Variants in ROBO1 observed in about 807,000 individuals in gnomAD.
ROBO1 encodes roundabout homolog 1.
A neutral mutation model predicts 195.9 loss-of-function variants in ROBO1; 149 were observed. The ratio of observed to expected loss-of-function variants is 0.76; its 90% confidence interval spans 0.67 to 0.87. The LOEUF is 0.87. Among genes scored for constraint, ROBO1 ranks in the 40% least tolerant of loss-of-function variants. The pLI is 0.00. For missense variants in ROBO1, 1,933 were observed against 2,068.3 expected (o/e 0.93, Z 1.27); for synonymous variants, 816 against 733.2 (o/e 1.11, Z -1.82).
At chr3:79,432,935 AT>A (rs563472699) in intron 2 of ROBO1, among the ~76,000 whole-genome samples, 46 of 152,178 alleles carry the variant, frequency 3.0e-4, no homozygotes, top group Non-Finnish European at 5.3e-4. Flanking sequence ...TTTCCTAAGG[AT>A]TAATATAGTT....
At chr3:79,496,608 C>T (rs546826244) in intron 2 of ROBO1, among the ~76,000 whole-genome samples, 20 of 149,484 alleles carry the variant, frequency 1.3e-4, no homozygotes, top group Non-Finnish European at 2.8e-4. Context: ...AGGATGGTCT[C>T]GATCTCCTGA....
At chr3:79,590,397 A>C (rs922957854) in intron 1 of ROBO1, among the ~76,000 whole-genome samples, 3 of 151,756 alleles carry the variant, frequency 2.0e-5, no homozygotes, top group Non-Finnish European at 4.4e-5. Context: ...AAAACAAAAA[A>C]CTTGCTCTTC....
intron 2 of ROBO1, among the ~76,000 whole-genome samples, chr3:79,480,916 T>G (rs184101232): frequency 2.6e-5 from 4 of 152,152 alleles, no homozygotes; most frequent in Non-Finnish European, 5.9e-5. Context: ...GGGTGAAGCA[T>G]AATATAGCAA....
intron 2 of ROBO1, among the ~76,000 whole-genome samples, chr3:79,318,028 G>C (rs1004679811): frequency 1.3e-5 from 2 of 152,300 alleles, no homozygotes; most frequent in East Asian, 3.9e-4. Flanking sequence ...CCAAAGGTCA[G>C]CAGGTTGCTG....
At chr3:79,052,008 A>G (rs2078708979) in intron 3 of ROBO1, among the ~76,000 whole-genome samples, 1 of 152,242 alleles carries the variant, frequency 6.6e-6, no homozygotes, top group African/African-American at 2.4e-5. Context: ...ACAATATGAA[A>G]TCTGGGCATC....
intron 2 of ROBO1, among the ~76,000 whole-genome samples, chr3:79,574,459 T>G (rs1943382782): frequency 6.6e-6 from 1 of 151,996 alleles, no homozygotes; most frequent in Non-Finnish European, 1.5e-5. Flanking sequence ...ATTTTTCTTT[T>G]TTTAGTAGTC....
Position 78,668,052 on chromosome 3 carries a change from A to C in ROBO1, c.1800-3T>G. On this transcript the variant is annotated splice_polypyrimidine_tract_variant and splice_region_variant and intron_variant, in intron 13 of 30. Coordinates refer to ENST00000464233, the MANE Select transcript of ROBO1 (RefSeq NM_002941.4). ...GCCAGCTGCTACCAGATGCATGGCT[A>C]AGGATAGACACACAGGTTAGAACAT... is the stretch of plus-strand genomic sequence containing the variant. The C allele has an allele frequency of 6.2e-7, 1 of 1,613,464 alleles. No individual in the cohort carries two copies. Among genetic ancestry groups the C allele is most frequent in the Non-Finnish European group, 8.5e-7 (1 of 1,179,588 alleles).
chr3:79,071,389 T>G (rs1461470702), intron 3 of ROBO1, among the ~76,000 whole-genome samples: 1 of 151,852 alleles, frequency 6.6e-6, no homozygotes, highest in Non-Finnish European at 1.5e-5. Context: ...TATGTATATT[T>G]TTGGTAATTT....
chr3:78,639,951 T>TAC, intron 21 of ROBO1, 53 bp from the exon 22 acceptor site: 1 of 1,364,510 alleles, frequency 7.3e-7, no homozygotes, highest in Non-Finnish European at 9.8e-7. Context: ...AGAGTAATAT[T>TAC]TTCTATTTAA....
At chr3:79,324,482 G>A (rs551454676) in intron 2 of ROBO1, among the ~76,000 whole-genome samples, 83 of 152,288 alleles carry the variant, frequency 5.5e-4, no homozygotes, top group Non-Finnish European at 1.0e-3. Flanking sequence ...AGGGGAGGAA[G>A]GGTGTAGTTA....
At chr3:79,222,951 A>G (rs1212037858) in intron 2 of ROBO1, among the ~76,000 whole-genome samples, 1 of 152,186 alleles carries the variant, frequency 6.6e-6, no homozygotes, top group Non-Finnish European at 1.5e-5. Flanking sequence ...TCAATATGTC[A>G]CAGCTATCTG....
chr3:79,063,820 A>G (rs1421994130), intron 3 of ROBO1, among the ~76,000 whole-genome samples: 3 of 151,924 alleles, frequency 2.0e-5, no homozygotes, highest in Non-Finnish European at 4.4e-5. Flanking sequence ...TGAAAAAAAA[A>G]TGAAAACTTT....
At chr3:79,450,685 A>T (rs2107193700) in intron 2 of ROBO1, among the ~76,000 whole-genome samples, 1 of 152,112 alleles carries the variant, frequency 6.6e-6, no homozygotes, top group African/African-American at 2.4e-5. Context: ...GTGGCATTTT[A>T]TAAGATTTAT....
intron 3 of ROBO1, among the ~76,000 whole-genome samples, chr3:79,013,781 C>T (rs2077849572): frequency 6.6e-6 from 1 of 152,096 alleles, no homozygotes; most frequent in South Asian, 2.1e-4. Flanking sequence ...TTTTTATGAG[C>T]ATTAAATAAG....
chr3:79,598,483 T>A (rs181417487), intron 1 of ROBO1, among the ~76,000 whole-genome samples: 16 of 152,170 alleles, frequency 1.1e-4, no homozygotes, highest in Admixed American at 1.0e-3. Flanking sequence ...TTTAAAAACT[T>A]TAAAAAGTAA....
chr3:78,610,208 G>A (rs1461957140), intron 28 of ROBO1, among the ~76,000 whole-genome samples: 2 of 152,046 alleles, frequency 1.3e-5, no homozygotes, highest in Non-Finnish European at 2.9e-5. Context: ...AAGATAGATC[G>A]ACAGTGTCAC....
chr3:79,529,747 C>A (rs185016090), intron 2 of ROBO1, among the ~76,000 whole-genome samples: 236 of 152,206 alleles, frequency 1.6e-3, no homozygotes, highest in African/African-American at 5.1e-3. Flanking sequence ...CTGTTGACTG[C>A]AGGTAAGATA....
chr3:78,716,284 G>A (rs563514887), intron 7 of ROBO1, among the ~76,000 whole-genome samples: 75 of 152,270 alleles, frequency 4.9e-4, no homozygotes, highest in Admixed American at 4.6e-4. Flanking sequence ...AATTTATAAA[G>A]GAAAGAGGTT....
chr3:79,650,552 T>C (rs896061629), intron 1 of ROBO1, among the ~76,000 whole-genome samples: 2 of 151,790 alleles, frequency 1.3e-5, no homozygotes, highest in African/African-American at 2.4e-5. Context: ...TTTTCCAGTA[T>C]AAATTTATGA....
Sources: gnomAD v4.1 joint callset for allele counts (sites outside exome capture counted in the v4.1 genomes callset) on GRCh38, gnomAD v4.1.1 for gene constraint, MANE v1.5 for transcripts, NCBI Gene and HGNC (gene_info 2026-07-23, HGNC 2026-07-21) for gene names.